Variants in SFMBT2 observed in about 807,000 individuals in gnomAD.
SFMBT2 encodes the protein scm-like with four MBT domains protein 2.
SFMBT2 carries 38 observed loss-of-function variants against 110.1 expected under a neutral mutation model. That is an observed-to-expected ratio of 0.35 (90% confidence interval 0.27 to 0.45). The LOEUF (loss-of-function observed/expected upper bound fraction) is 0.45, where lower values mean the gene tolerates loss of function less well. Ranked by LOEUF, SFMBT2 falls within the 20% of genes least tolerant of loss-of-function variation. The pLI is 1.00. For missense variants in SFMBT2, 1,011 were observed against 1,094.9 expected, an observed-to-expected ratio of 0.92 and a Z score of 1.08; for synonymous variants, 425 against 425.4, an observed-to-expected ratio of 1.00 and a Z score of 0.01.
intron 4 of SFMBT2, among the ~76,000 whole-genome samples, chr10:7,303,565 G>A (rs1842613910): frequency 6.6e-6 from 1 of 152,118 alleles, no homozygotes; most frequent in Non-Finnish European, 1.5e-5. Context: ...GCCTTATTTA[G>A]ACACTAAATA....
At chr10:7,177,305 T>C (rs1051884078) in intron 16 of SFMBT2, among the ~76,000 whole-genome samples, 1 of 152,120 alleles carries the variant, frequency 6.6e-6, no homozygotes, top group African/African-American at 2.4e-5. Flanking sequence ...CTACAGTCTA[T>C]TTGTGTATTA....
At chr10:7,357,014 A>G (rs1844537731) in intron 4 of SFMBT2, among the ~76,000 whole-genome samples, 1 of 152,204 alleles carries the variant, frequency 6.6e-6, no homozygotes, top group South Asian at 2.1e-4. Flanking sequence ...TAATCCATGC[A>G]TTTACTTCGC....
chr10:7,197,308 C>T (rs1416262912), intron 15 of SFMBT2, among the ~76,000 whole-genome samples: 1 of 152,156 alleles, frequency 6.6e-6, no homozygotes, highest in Non-Finnish European at 1.5e-5. Context: ...ACTTTTCCCC[C>T]TAATTCGAGG....
chr10:7,343,720 C>T (rs1300296860), intron 4 of SFMBT2, among the ~76,000 whole-genome samples: 1 of 152,120 alleles, frequency 6.6e-6, no homozygotes. Flanking sequence ...GTCCTTTGCC[C>T]ATTTTTTTAG....
At chr10:7,322,312 A>G (rs547238915) in intron 4 of SFMBT2, among the ~76,000 whole-genome samples, 1 of 152,312 alleles carries the variant, frequency 6.6e-6, no homozygotes, top group African/African-American at 2.4e-5. Context: ...CTCCCCAGCC[A>G]TGTGAAACTC....
At chr10:7,186,277 G>A (rs141490149) in intron 16 of SFMBT2, among the ~76,000 whole-genome samples, 1 of 151,946 alleles carries the variant, frequency 6.6e-6, no homozygotes, top group East Asian at 1.9e-4. Context: ...CAATCACACT[G>A]CCCTAGGGAT....
chr10:7,295,499 T>C (rs1241976102), intron 4 of SFMBT2, among the ~76,000 whole-genome samples: 3 of 152,270 alleles, frequency 2.0e-5, no homozygotes, highest in Non-Finnish European at 2.9e-5. Context: ...ACTAATCTTT[T>C]GATGACATAC....
intron 1 of SFMBT2, among the ~76,000 whole-genome samples, chr10:7,407,539 C>T (rs191758982): frequency 6.6e-6 from 1 of 152,060 alleles, no homozygotes; most frequent in Non-Finnish European, 1.5e-5. Context: ...GTGCGCGGGG[C>T]CCCGGAACCC....
chr10:7,163,878 G>C lies in SFMBT2; in HGVS notation c.2577C>G (p.Thr859=), dbSNP rs751858573. The C allele has an allele frequency of 1.2e-6, 2 of 1,613,724 alleles. No homozygotes were observed. The highest frequency in any genetic ancestry group is 2.7e-5 in the African/African-American group (2 of 74,878). The stretch of plus-strand genomic sequence containing the variant: ...CCATGCACTCCTGCACCGTCGGAAG[G>C]GTCAGAAGCAGGAGTGCTTGGCCGT... ...DIDGQALLLL[T]LPTVQECMEL... Residue 859 remains threonine, a synonymous_variant, in exon 21 of 21, where the codon ACC becomes ACG. Coordinates refer to ENST00000397167, the MANE Select transcript of SFMBT2 (RefSeq NM_001387889.1). The surrounding 1 kb of genome is among the most constrained non-coding windows in gnomAD (Gnocchi z 4.8).
At position 7,182,768 on chromosome 10, in the gene SFMBT2, A is replaced by G. The variant is rs368433295; in HGVS notation, c.1808+5856T>C. ...CATTAGGAGATATACCTAATGTTAA[A>G]TGATGAGTTAATGGGTGCAGCACAC... On this transcript the variant is annotated intron_variant, in intron 16 of 20. Transcript: ENST00000397167. Among the ~76,000 whole-genome samples the G allele has an allele frequency of 1.6e-3, 245 of 151,686 alleles. 1 individual carries two copies. Among genetic ancestry groups the G allele is most frequent in the African/African-American group, 5.7e-3 (236 of 41,266 alleles).
rs1838991813 is a variant in SFMBT2 at position 7,202,541 on chromosome 10, G to A, written c.1445-19C>T. ...TTTTGTGCTGTAGAAAAGGCAAAACGGAAAAAGAAAATCAGCTTTGTTAGT... is the reference window on the plus strand; with the variant it reads ...TTTTGTGCTGTAGAAAAGGCAAAACAGAAAAAGAAAATCAGCTTTGTTAGT... On this transcript the variant is annotated intron_variant, in intron 12 of 20. Coordinates refer to ENST00000397167, the MANE Select transcript of SFMBT2 (RefSeq NM_001387889.1). 7 of 1,613,930 alleles carry A rather than the reference G, an allele frequency of 4.3e-6. No homozygotes were observed. The African/African-American group carries it at 5.3e-5, about 12-fold the overall frequency.
chr10:7,368,007 C>T, intron 3 of SFMBT2, 118 bp from the exon 4 acceptor site: 1 of 1,399,914 alleles, frequency 7.1e-7, no homozygotes, highest in Non-Finnish European at 9.5e-7. Context: ...TGCTCTAAAA[C>T]AGGCATGTAT....
chr10:7,355,509 TATTTC>T (rs1480502336), intron 4 of SFMBT2, among the ~76,000 whole-genome samples: 1 of 152,188 alleles, frequency 6.6e-6, no homozygotes, highest in Non-Finnish European at 1.5e-5. Context: ...TATGGTAAAA[TATTTC>T]ATTTTCATTT....
chr10:7,249,576 G>T (rs1250071439), intron 7 of SFMBT2: 1 of 984,614 alleles, frequency 1.0e-6, no homozygotes, highest in East Asian at 1.1e-4. Context: ...AAATATCTGG[G>T]GACCTGTTAC....
intron 1 of SFMBT2, among the ~76,000 whole-genome samples, chr10:7,399,328 G>A (rs1198309423): frequency 1.3e-5 from 2 of 152,170 alleles, no homozygotes; most frequent in Non-Finnish European, 2.9e-5. Context: ...TGCCTCCTGG[G>A]TTCAAGCGAT....
At chr10:7,356,721 T>G (rs148548641) in intron 4 of SFMBT2, among the ~76,000 whole-genome samples, 371 of 152,306 alleles carry the variant, frequency 2.4e-3, no homozygotes, top group African/African-American at 8.7e-3. Flanking sequence ...CCCAGCCAGC[T>G]ACTGCCTTTT....
intron 4 of SFMBT2, among the ~76,000 whole-genome samples, chr10:7,292,864 G>T (rs970891088): frequency 9.9e-5 from 15 of 152,112 alleles, no homozygotes; most frequent in African/African-American, 3.4e-4. Flanking sequence ...ATGGTGGCAG[G>T]TGCCTGTAGT....
At chr10:7,388,524 A>ATTTTT (rs60231769) in intron 1 of SFMBT2, among the ~76,000 whole-genome samples, 136 of 112,020 alleles carry the variant, frequency 1.2e-3, no homozygotes, top group African/African-American at 2.5e-3. Flanking sequence ...TACCCAGCTA[A>ATTTTT]TTTTTTTTTT....
intron 9 of SFMBT2, among the ~76,000 whole-genome samples, chr10:7,234,367 G>T (rs190424905): frequency 6.6e-6 from 1 of 152,176 alleles, no homozygotes; most frequent in African/African-American, 2.4e-5. Flanking sequence ...TCTGCTGAGG[G>T]AATGTTCTAC....
Sources: gnomAD v4.1 joint callset for allele counts (sites outside exome capture counted in the v4.1 genomes callset) on GRCh38, gnomAD v4.1.1 for gene constraint, Gnocchi (gnomAD v3.1) non-coding constraint, MANE v1.5 for transcripts, NCBI Gene and HGNC (gene_info 2026-07-23, HGNC 2026-07-21) for gene names.